The following RTL4 variants were observed in gnomAD, a reference collection of about 807,000 sequenced individuals.
RTL4 encodes retrotransposon Gag-like protein 4.
In RTL4, 4 loss-of-function variants were observed where a neutral mutation model predicts 5.3. The observed-to-expected ratio is 0.75, with a 90% CI of 0.37 to 1.72. The LOEUF (loss-of-function observed/expected upper bound fraction) is 1.72. Ranked by LOEUF, RTL4 falls within the 40% of genes most tolerant of loss-of-function variation. RTL4 has a pLI of 0.04. For synonymous variants in RTL4, 98 were observed against 87.3 expected, an observed-to-expected ratio of 1.12 and a Z score of -0.68; for missense variants, 260 against 227.1, an observed-to-expected ratio of 1.14 and a Z score of -0.93.
At chrX:112,454,638 G>A (rs755107585) in exon 1 of RTL4, 28 of 883,829 alleles carry the variant, frequency 3.2e-5, no homozygotes, top group African/African-American at 2.2e-4. Flanking sequence ...ATGACACTCC[G>A]TCTCTGATCA....
At chrX:112,330,725 T>C in the RTL4 span, among the ~76,000 whole-genome samples, 13 of 110,925 alleles carry the variant, frequency 1.2e-4, no homozygotes, top group African/African-American at 2.3e-4. Context: ...AAGAACAAAG[T>C]TGGAGGCATC....
At chrX:112,149,179 A>C in the RTL4 span, among the ~76,000 whole-genome samples, 1 of 112,124 alleles carries the variant, frequency 8.9e-6, no homozygotes, top group Non-Finnish European at 1.9e-5. Context: ...CAGATATTTA[A>C]TAGGTGCCTG....
At chrX:112,296,203 C>T in the RTL4 span, among the ~76,000 whole-genome samples, 1 of 110,989 alleles carries the variant, frequency 9.0e-6, no homozygotes, top group African/African-American at 3.3e-5. Flanking sequence ...CATCCCAAAA[C>T]TCCAGCAGAG....
At chrX:112,139,834 C>T in the RTL4 span, among the ~76,000 whole-genome samples, 1 of 111,651 alleles carries the variant, frequency 9.0e-6, no homozygotes, top group Non-Finnish European at 1.9e-5. Context: ...AGTGCAGTTT[C>T]CCCCGTATTG....
the RTL4 span, among the ~76,000 whole-genome samples, chrX:112,175,713 A>G: frequency 9.0e-6 from 1 of 111,347 alleles, no homozygotes; most frequent in Non-Finnish European, 1.9e-5. Flanking sequence ...TAAATTAGGT[A>G]TTGATGGGAA....
the RTL4 span, among the ~76,000 whole-genome samples, chrX:112,265,009 C>A: frequency 8.9e-6 from 1 of 112,013 alleles, no homozygotes; most frequent in Admixed American, 9.5e-5. Context: ...GTTATTGGCA[C>A]CATCAACATT....
At chrX:112,258,346 G>A in the RTL4 span, among the ~76,000 whole-genome samples, 25 of 110,462 alleles carry the variant, frequency 2.3e-4, no homozygotes, top group Non-Finnish European at 4.4e-4. Context: ...GTACCACTGC[G>A]GTGGCGGGTG....
the RTL4 span, among the ~76,000 whole-genome samples, chrX:112,328,122 C>T: frequency 2.8e-5 from 3 of 108,492 alleles, no homozygotes; most frequent in Non-Finnish European, 5.7e-5. Flanking sequence ...ACCCAGCTAA[C>T]ATCATAATGA....
the RTL4 span, among the ~76,000 whole-genome samples, chrX:112,344,996 T>C: frequency 2.4e-3 from 263 of 111,390 alleles, 1 homozygote; most frequent in African/African-American, 7.8e-3. Context: ...ACTGCAAGAA[T>C]AGTATGGGGG....
the RTL4 span, among the ~76,000 whole-genome samples, chrX:112,189,787 T>G: frequency 1.8e-5 from 2 of 110,677 alleles, no homozygotes; most frequent in African/African-American, 6.6e-5. Flanking sequence ...AAATAGCTTT[T>G]ATAACTGTGG....
In RTL4 at chrX:112,456,144, C is replaced by T. The variant is rs148726996; in HGVS notation, c.*483C>T. ...TTTGGCTGAAGTCCAAATGACATTC[C>T]TATAATCTGCTTATATTCTCCTCCT... On this transcript the variant is annotated 3_prime_UTR_variant, in exon 1 of 1. Transcript: ENST00000340433. The T allele has an allele frequency of 6.0e-3, 1,783 of 298,634 alleles. 56 individuals are homozygous for T. In the Admixed American group the frequency reaches 0.078, roughly 13 times the overall value. The allele number at this position is 298,634 out of a possible 1,213,427, so 24.6% of individuals were successfully genotyped here.
At chrX:112,350,790 A>G in the RTL4 span, among the ~76,000 whole-genome samples, 3 of 109,894 alleles carry the variant, frequency 2.7e-5, no homozygotes, top group Non-Finnish European at 5.7e-5. Flanking sequence ...GTGGTCTATC[A>G]ATTTTGTTGA....
chrX:112,353,772 A>C, the RTL4 span, among the ~76,000 whole-genome samples: 1 of 110,410 alleles, frequency 9.1e-6, no homozygotes, highest in African/African-American at 3.3e-5. Flanking sequence ...AACATGGCAC[A>C]TGTATACATA....
chrX:112,197,792 T>C, the RTL4 span, among the ~76,000 whole-genome samples: 1 of 111,827 alleles, frequency 8.9e-6, no homozygotes, highest in Non-Finnish European at 1.9e-5. Context: ...TTTCTTTGTA[T>C]TTTTGCATTT....
At chrX:112,434,723 A>G in the RTL4 span, among the ~76,000 whole-genome samples, 2 of 111,662 alleles carry the variant, frequency 1.8e-5, no homozygotes, top group Admixed American at 9.6e-5. Flanking sequence ...TGGACCAGAA[A>G]CCAGAAGTAA....
the RTL4 span, among the ~76,000 whole-genome samples, chrX:112,272,923 C>T: frequency 1.8e-5 from 2 of 111,094 alleles, no homozygotes; most frequent in African/African-American, 6.6e-5. Context: ...CTATTATTAT[C>T]CCTACTTTAT....
the RTL4 span, among the ~76,000 whole-genome samples, chrX:112,205,574 A>C: frequency 9.0e-6 from 1 of 111,074 alleles, no homozygotes; most frequent in Non-Finnish European, 1.9e-5. Flanking sequence ...CCTGGATTTT[A>C]GAGTGTGTGT....
chrX:112,308,727 C>T, the RTL4 span, among the ~76,000 whole-genome samples: 1 of 111,435 alleles, frequency 9.0e-6, no homozygotes, highest in Non-Finnish European at 1.9e-5. Flanking sequence ...AACTGTTGTA[C>T]ATTGATTGCT....
At chrX:112,435,907 T>C in the RTL4 span, among the ~76,000 whole-genome samples, 1 of 112,086 alleles carries the variant, frequency 8.9e-6, no homozygotes, top group African/African-American at 3.2e-5. Flanking sequence ...ACAGTTTTGC[T>C]TATTGATTGA....
Sources: allele counts gnomAD v4.1 joint callset (sites outside exome capture counted in the v4.1 genomes callset), GRCh38; gene constraint gnomAD v4.1.1; transcripts MANE v1.5; gene names NCBI Gene and HGNC (gene_info 2026-07-23, HGNC 2026-07-21).